Variants in SCAMP1 observed in about 807,000 individuals in gnomAD.
SCAMP1 encodes secretory carrier membrane protein 1.
SCAMP1 carries 15 observed loss-of-function variants against 41.8 expected under a neutral mutation model. The observed-to-expected ratio is 0.36, with a 90% CI of 0.24 to 0.55. The LOEUF is 0.55. Ranked by LOEUF, SCAMP1 falls within the 20% of genes least tolerant of loss-of-function variation. SCAMP1 has a pLI of 0.86. For missense variants in SCAMP1, 341 were observed against 412.6 expected (o/e 0.83, Z 1.50); for synonymous variants, 135 against 136.8 (o/e 0.99, Z 0.09).
chr5:78,360,845 G>A (rs1750625247), intron 1 of SCAMP1, 117 bp downstream of exon 1: 6 of 1,008,998 alleles, frequency 5.9e-6, no homozygotes. Context: ...GCCCAGAGAG[G>A]GGCGCGGGGC....
At chr5:78,380,105 C>G (rs1213068715) in intron 1 of SCAMP1, among the ~76,000 whole-genome samples, 3 of 152,148 alleles carry the variant, frequency 2.0e-5, no homozygotes, top group Non-Finnish European at 4.4e-5. Flanking sequence ...TTCACTCAGC[C>G]CATAGCACTT....
At chr5:78,364,345 A>T (rs1750740286) in intron 1 of SCAMP1, among the ~76,000 whole-genome samples, 1 of 152,258 alleles carries the variant, frequency 6.6e-6, no homozygotes, top group African/African-American at 2.4e-5. Flanking sequence ...TTTGCATATT[A>T]ACATGATAAT....
intron 7 of SCAMP1, among the ~76,000 whole-genome samples, chr5:78,458,719 A>G (rs961979759): frequency 4.6e-5 from 7 of 152,170 alleles, no homozygotes; most frequent in Non-Finnish European, 8.8e-5. Context: ...GTCTCTACTA[A>G]AGATACAAAA....
At chr5:78,377,483 A>G (rs1166356189) in intron 1 of SCAMP1, among the ~76,000 whole-genome samples, 1 of 152,190 alleles carries the variant, frequency 6.6e-6, no homozygotes, top group Non-Finnish European at 1.5e-5. Context: ...TGGGCCTGCC[A>G]GGTTTCCTCG....
chr5:78,409,363 T>A (rs1752010998), intron 2 of SCAMP1, among the ~76,000 whole-genome samples: 1 of 151,996 alleles, frequency 6.6e-6, no homozygotes, highest in Non-Finnish European at 1.5e-5. Context: ...GAAGTGAAAG[T>A]CTTGAGTGGC....
chr5:78,465,788 G>A (rs554781473), intron 8 of SCAMP1, among the ~76,000 whole-genome samples: 2 of 152,136 alleles, frequency 1.3e-5, no homozygotes, highest in Non-Finnish European at 2.9e-5. Flanking sequence ...CTGATATCAA[G>A]AGGGCAGGCC....
At chr5:78,366,898 G>GT (rs1428659245) in intron 1 of SCAMP1, among the ~76,000 whole-genome samples, 1 of 146,222 alleles carries the variant, frequency 6.8e-6, no homozygotes, top group Non-Finnish European at 1.5e-5. Context: ...AGGCGGGAGG[G>GT]TGACAGAGTG....
chr5:78,386,540 T>C (rs1256963997), intron 1 of SCAMP1, among the ~76,000 whole-genome samples: 1 of 151,912 alleles, frequency 6.6e-6, no homozygotes, highest in East Asian at 1.9e-4. Flanking sequence ...TTTTTCATTG[T>C]ATTGTTTTAT....
chr5:78,403,283 T>C (rs1327953333), intron 2 of SCAMP1, among the ~76,000 whole-genome samples: 1 of 152,206 alleles, frequency 6.6e-6, no homozygotes, highest in East Asian at 1.9e-4. Flanking sequence ...TACAAATAAC[T>C]ATACTGTTTC....
chr5:78,432,736 T>C (rs563217810), intron 6 of SCAMP1, among the ~76,000 whole-genome samples: 108 of 152,190 alleles, frequency 7.1e-4, no homozygotes, highest in African/African-American at 2.6e-3. Flanking sequence ...TTATCCTTAG[T>C]GTTGTCTAAT....
intron 6 of SCAMP1, among the ~76,000 whole-genome samples, chr5:78,445,789 A>G (rs956621251): frequency 4.6e-5 from 7 of 152,072 alleles, no homozygotes; most frequent in Non-Finnish European, 1.5e-5. Context: ...GTATTGCTTC[A>G]TTTTGTTTTG....
Position 78,360,745 on chromosome 5 carries a change from G to A in SCAMP1, c.57+17G>A. 2 of 1,600,888 alleles carry A rather than the reference G, an allele frequency of 1.2e-6. No homozygotes were observed. Among genetic ancestry groups the A allele is most frequent in the African/African-American group, 2.7e-5 (2 of 74,406 alleles). On this transcript the variant is annotated intron_variant, in intron 1 of 8. Transcript: ENST00000621999. ...CCCTTCAAGGTGAGCTTCGGCCCCA[G>A]CATCTCCTGCCGCCGCGACGCGTCG... is the stretch of plus-strand genomic sequence containing the variant.
At chr5:78,469,121 A>G (rs1282601115) in intron 8 of SCAMP1, among the ~76,000 whole-genome samples, 2 of 152,302 alleles carry the variant, frequency 1.3e-5, no homozygotes, top group Non-Finnish European at 2.9e-5. Flanking sequence ...AAGGATTATC[A>G]TCTATACTTT....
intron 2 of SCAMP1, among the ~76,000 whole-genome samples, chr5:78,409,988 C>T (rs189108113): frequency 3.3e-5 from 5 of 151,966 alleles, no homozygotes; most frequent in Non-Finnish European, 4.4e-5. Context: ...GGCTTTGGGG[C>T]GATGCTTTTG....
chr5:78,398,775 C>T (rs1422493127), intron 2 of SCAMP1, among the ~76,000 whole-genome samples: 1 of 151,990 alleles, frequency 6.6e-6, no homozygotes, highest in Non-Finnish European at 1.5e-5. Flanking sequence ...AAACTCCTAG[C>T]TTCAGGTGAT....
chr5:78,430,325 T>C (rs1363809452), intron 6 of SCAMP1, among the ~76,000 whole-genome samples: 1 of 150,020 alleles, frequency 6.7e-6, no homozygotes, highest in Non-Finnish European at 1.5e-5. Context: ...TTCTAGTATA[T>C]CGTGATTATA....
rs1301560481 is a variant in SCAMP1 at position 78,476,705 on chromosome 5, C to T, written c.*1037C>T. The T allele has an allele frequency of 6.6e-6, 1 of 152,364 alleles. No individual in the cohort carries two copies. Among genetic ancestry groups the T allele is most frequent in the South Asian group, 2.1e-4 (1 of 4,832 alleles). The allele number at this position is 152,364 out of a possible 1,614,324, so 9.4% of individuals were successfully genotyped here. ...GCTTTTCATCTCCAGTGGCATTAAA[C>T]ATAAAAAGACCCTGGCATTTTTTCA... On this transcript the variant is annotated 3_prime_UTR_variant, in exon 9 of 9. Transcript: ENST00000621999.
intron 8 of SCAMP1, among the ~76,000 whole-genome samples, chr5:78,463,727 G>T (rs1453494050): frequency 1.3e-5 from 2 of 152,198 alleles, no homozygotes; most frequent in Non-Finnish European, 2.9e-5. Context: ...TATGGGTGGG[G>T]TGGGGAGTGA....
intron 1 of SCAMP1, among the ~76,000 whole-genome samples, chr5:78,375,162 T>G (rs1029370237): frequency 6.6e-6 from 1 of 152,136 alleles, no homozygotes; most frequent in Admixed American, 6.5e-5. Context: ...TTGTCTAGTG[T>G]AAGTGTATAG....
Sources: allele counts gnomAD v4.1 joint callset (sites outside exome capture counted in the v4.1 genomes callset), GRCh38; gene constraint gnomAD v4.1.1; transcripts MANE v1.5; gene names NCBI Gene and HGNC (gene_info 2026-07-23, HGNC 2026-07-21).